The following LDLRAD4 variants were observed in gnomAD, a reference collection of about 807,000 sequenced individuals.
The protein encoded by LDLRAD4 is low-density lipoprotein receptor class A domain-containing protein 4.
LDLRAD4 carries 5 observed loss-of-function variants against 17.0 expected under a neutral mutation model. That is an observed-to-expected ratio of 0.29 (90% CI 0.15 to 0.62). The LOEUF (loss-of-function observed/expected upper bound fraction) is 0.62. LDLRAD4 is among the 20% of genes least tolerant of loss of function. LDLRAD4 has a pLI of 0.84. For synonymous variants in LDLRAD4, 168 were observed against 171.8 expected (o/e 0.98, Z 0.17); for missense variants, 340 against 424.7 (o/e 0.80, Z 1.75).
chr18:13,253,433 T>C (rs958923103), intron 1 of LDLRAD4, among the ~76,000 whole-genome samples: 1 of 152,162 alleles, frequency 6.6e-6, no homozygotes, highest in Middle Eastern at 3.2e-3. Flanking sequence ...TTTTCCCTTT[T>C]CCACACCTCC....
At chr18:13,446,817 C>T (rs1299045902) in intron 3 of LDLRAD4, among the ~76,000 whole-genome samples, 1 of 152,252 alleles carries the variant, frequency 6.6e-6, no homozygotes, top group East Asian at 1.9e-4. Flanking sequence ...AGCCTCTGAT[C>T]CCCAGTTTCC....
intron 4 of LDLRAD4, among the ~76,000 whole-genome samples, chr18:13,643,142 G>T (rs1308436171): frequency 6.6e-6 from 1 of 151,688 alleles, no homozygotes; most frequent in Non-Finnish European, 1.5e-5. Flanking sequence ...CACCATGTTG[G>T]CCAGGCTGGT....
At chr18:13,369,347 G>A (rs1396298785) in intron 1 of LDLRAD4, among the ~76,000 whole-genome samples, 4 of 152,186 alleles carry the variant, frequency 2.6e-5, no homozygotes, top group East Asian at 1.9e-4. Flanking sequence ...AAAAATATGC[G>A]CAGGTGTCAG....
chr18:13,556,008 A>T (rs565505656), intron 3 of LDLRAD4, among the ~76,000 whole-genome samples: 214 of 152,314 alleles, frequency 1.4e-3, no homozygotes, highest in African/African-American at 4.9e-3. Context: ...CATGACCCAG[A>T]TGGTAGTTTT....
chr18:13,647,163 C>T (rs186646625), exon 6 of LDLRAD4: 2 of 150,756 alleles, frequency 1.3e-5, no homozygotes, highest in East Asian at 1.9e-4. Flanking sequence ...TGAAGAGCAC[C>T]GGGTAAAAAG....
At chr18:13,635,719 G>A (rs1401562138) in intron 4 of LDLRAD4, among the ~76,000 whole-genome samples, 6 of 152,196 alleles carry the variant, frequency 3.9e-5, no homozygotes, top group African/African-American at 7.2e-5. Flanking sequence ...ATTTGGAACC[G>A]TTCTGCGTCC....
intron 3 of LDLRAD4, among the ~76,000 whole-genome samples, chr18:13,599,147 G>A (rs1195196128): frequency 1.3e-5 from 2 of 152,144 alleles, no homozygotes; most frequent in African/African-American, 4.8e-5. Context: ...CCTTTCACTG[G>A]AGATGCCATA....
At chr18:13,400,159 C>T (rs1270392118) in intron 2 of LDLRAD4, among the ~76,000 whole-genome samples, 14 of 152,146 alleles carry the variant, frequency 9.2e-5, no homozygotes, top group Non-Finnish European at 1.6e-4. Flanking sequence ...GAAAATATTT[C>T]GTGGAATAAA....
chr18:13,592,709 C>G (rs148620896), intron 3 of LDLRAD4, among the ~76,000 whole-genome samples: 9 of 152,168 alleles, frequency 5.9e-5, no homozygotes, highest in African/African-American at 1.9e-4. Context: ...TGTTGTGCTC[C>G]CTTAAGTTTT....
chr18:13,259,819 T>G (rs2043714378), intron 1 of LDLRAD4, among the ~76,000 whole-genome samples: 1 of 152,200 alleles, frequency 6.6e-6, no homozygotes, highest in Admixed American at 6.5e-5. Context: ...TGTTTTCCTT[T>G]GCTTGGCTGT....
intron 4 of LDLRAD4, among the ~76,000 whole-genome samples, chr18:13,640,041 CT>C (rs1301132748): frequency 2.0e-5 from 3 of 152,184 alleles, no homozygotes; most frequent in Admixed American, 1.3e-4. Flanking sequence ...AATCCCAGCA[CT>C]TTGGGAGGCC....
chr18:13,644,057 A>C (rs903298039), intron 5 of LDLRAD4, among the ~76,000 whole-genome samples: 3 of 152,184 alleles, frequency 2.0e-5, no homozygotes, highest in Admixed American at 2.0e-4. Context: ...TTGAGTAAAA[A>C]ATATTTTTCA....
chr18:13,343,585 T>C (rs951485049), intron 1 of LDLRAD4, among the ~76,000 whole-genome samples: 3 of 152,190 alleles, frequency 2.0e-5, no homozygotes, highest in Admixed American at 6.5e-5. Context: ...TATAATCCTT[T>C]GGGTATATAC....
At chr18:13,332,768 A>T (rs1487338733) in intron 1 of LDLRAD4, among the ~76,000 whole-genome samples, 1 of 150,772 alleles carries the variant, frequency 6.6e-6, no homozygotes. Flanking sequence ...GTGGTGAATA[A>T]CATTTCATTA....
At chr18:13,532,215 A>G (rs561512980) in intron 3 of LDLRAD4, among the ~76,000 whole-genome samples, 45 of 152,270 alleles carry the variant, frequency 3.0e-4, no homozygotes, top group African/African-American at 1.0e-3. Context: ...GGCTCCTGCA[A>G]TTGCCTTCAG....
rs375222988 is a variant in LDLRAD4, at chr18:13,480,327, G to T, written c.181+41943G>T. ...TGAAAGAAGCCAGTCTGAAAGCTAC[G>T]TACAGTGTGAGTCCAACTGTGTGAC... is the stretch of plus-strand genomic sequence containing the variant. On this transcript the variant is annotated intron_variant, in intron 3 of 5. Transcript: ENST00000359446. Among the ~76,000 whole-genome samples, 4 of 152,190 alleles carry T rather than the reference G, an allele frequency of 2.6e-5. No homozygotes were observed. In the East Asian group the frequency reaches 7.7e-4, roughly 29 times the overall value.
chr18:13,258,691 C>T (rs575452872), intron 1 of LDLRAD4, among the ~76,000 whole-genome samples: 1 of 152,236 alleles, frequency 6.6e-6, no homozygotes, highest in African/African-American at 2.4e-5. Context: ...TTGATATTTG[C>T]CAATTGATAA....
intron 3 of LDLRAD4, among the ~76,000 whole-genome samples, chr18:13,555,328 T>C (rs2066041365): frequency 6.6e-6 from 1 of 152,218 alleles, no homozygotes; most frequent in African/African-American, 2.4e-5. Flanking sequence ...ACCTCAGCAC[T>C]ATCTTTCTGC....
chr18:13,319,054 G>A (rs1408369605), intron 1 of LDLRAD4, among the ~76,000 whole-genome samples: 1 of 152,210 alleles, frequency 6.6e-6, no homozygotes, highest in African/African-American at 2.4e-5. Context: ...AACACATCAA[G>A]CCATTTAGTG....
Sources: gnomAD v4.1 joint callset for allele counts (sites outside exome capture counted in the v4.1 genomes callset) on GRCh38, gnomAD v4.1.1 for gene constraint, MANE v1.5 for transcripts, NCBI Gene and HGNC (gene_info 2026-07-23, HGNC 2026-07-21) for gene names.